The following LHFPL6 variants were observed in gnomAD, a reference collection of about 807,000 sequenced individuals.
LHFPL6 encodes LHFPL tetraspan subfamily member 6.
A neutral mutation model predicts 20.6 loss-of-function variants in LHFPL6; 9 were observed. The observed-to-expected ratio is 0.44, with a 90% confidence interval of 0.26 to 0.76. The LOEUF (loss-of-function observed/expected upper bound fraction) is 0.76. Among genes scored for constraint, LHFPL6 ranks in the 30% least tolerant of loss-of-function variants. LHFPL6 has a pLI of 0.20. For synonymous variants in LHFPL6, 105 were observed against 98.7 expected (o/e 1.06, Z -0.38); for missense variants, 218 against 253.5 (o/e 0.86, Z 0.95).
chr13:39,508,813 A>G (rs1869583756), intron 2 of LHFPL6, among the ~76,000 whole-genome samples: 1 of 152,104 alleles, frequency 6.6e-6, no homozygotes, highest in Non-Finnish European at 1.5e-5. Context: ...CTCATACACA[A>G]CTCTTTATAT....
chr13:39,597,967 T>G (rs892502471), intron 2 of LHFPL6, among the ~76,000 whole-genome samples: 4 of 152,274 alleles, frequency 2.6e-5, no homozygotes, highest in Non-Finnish European at 5.9e-5. Context: ...AGGATGCCTC[T>G]GTATTTTGCC....
At chr13:39,557,917 T>C (rs778445755) in intron 2 of LHFPL6, among the ~76,000 whole-genome samples, 113 of 152,274 alleles carry the variant, frequency 7.4e-4, no homozygotes, top group Admixed American at 1.2e-3. Context: ...GCTCCCCCTT[T>C]GCTCTCTCAT....
intron 2 of LHFPL6, among the ~76,000 whole-genome samples, chr13:39,524,277 C>T (rs1259535982): frequency 6.6e-6 from 1 of 150,796 alleles, no homozygotes; most frequent in African/African-American, 2.4e-5. Flanking sequence ...ATGGTTTAAT[C>T]AGCAGGGTTT....
chr13:39,564,377 C>T (rs1372490912), intron 2 of LHFPL6, among the ~76,000 whole-genome samples: 3 of 152,138 alleles, frequency 2.0e-5, no homozygotes, highest in Non-Finnish European at 2.9e-5. Context: ...TATGTATGTG[C>T]TCTCTATCTC....
chr13:39,510,768 T>G (rs746566821), intron 2 of LHFPL6, among the ~76,000 whole-genome samples: 1 of 151,924 alleles, frequency 6.6e-6, no homozygotes, highest in South Asian at 2.1e-4. Flanking sequence ...AAAAGTTATA[T>G]AAAACAAAAT....
chr13:39,459,744 C>T (rs2138427773), intron 2 of LHFPL6, among the ~76,000 whole-genome samples: 1 of 152,210 alleles, frequency 6.6e-6, no homozygotes, highest in Non-Finnish European at 1.5e-5. Flanking sequence ...CCTGAGGGTC[C>T]CGCAAAGTTG....
chr13:39,448,554 T>A (rs2138419402), intron 2 of LHFPL6, among the ~76,000 whole-genome samples: 1 of 152,352 alleles, frequency 6.6e-6, no homozygotes, highest in East Asian at 1.9e-4. Flanking sequence ...GTAAACAATG[T>A]ACAACTTAAC....
chr13:39,508,571 G>T (rs1869574557), intron 2 of LHFPL6, among the ~76,000 whole-genome samples: 2 of 152,084 alleles, frequency 1.3e-5, no homozygotes, highest in South Asian at 4.1e-4. Context: ...TTATATTAAT[G>T]GAATCATACA....
rs1406251334 is a variant in LHFPL6 at position 39,343,267 on chromosome 13, G to C, written c.*669C>G. The C allele has an allele frequency of 4.6e-6, 1 of 217,058 alleles. No individual in the cohort carries two copies. Among genetic ancestry groups the C allele is most frequent in the Non-Finnish European group, 9.3e-6 (1 of 107,692 alleles). 13.4% of individuals were successfully genotyped at this position (217,058 alleles called of 1,614,324 possible). ...ATGCAGGATATACAAAATACTGATAGTTTGGCTTATTGGTCCATTTATTAG... is the reference window on the plus strand; with the variant it reads ...ATGCAGGATATACAAAATACTGATACTTTGGCTTATTGGTCCATTTATTAG... On this transcript the variant is annotated 3_prime_UTR_variant, in exon 4 of 4. Coordinates refer to ENST00000379589, the MANE Select transcript of LHFPL6 (RefSeq NM_005780.3).
chr13:39,399,975 C>T (rs1870944842), intron 2 of LHFPL6, among the ~76,000 whole-genome samples: 1 of 152,160 alleles, frequency 6.6e-6, no homozygotes, highest in Middle Eastern at 3.2e-3. Flanking sequence ...TGCCTGTTAT[C>T]CCAGCTACTC....
At chr13:39,473,393 C>T (rs1052964206) in intron 2 of LHFPL6, among the ~76,000 whole-genome samples, 3 of 150,482 alleles carry the variant, frequency 2.0e-5, no homozygotes, top group African/African-American at 7.4e-5. Context: ...GTCCAATATG[C>T]CATGCTGAGA....
At chr13:39,479,217 G>A (rs373388936) in intron 2 of LHFPL6, among the ~76,000 whole-genome samples, 1 of 151,908 alleles carries the variant, frequency 6.6e-6, no homozygotes, top group East Asian at 1.9e-4. Context: ...GTTTTGAGAG[G>A]ATCCCACCTA....
At chr13:39,514,201 A>G (rs941606572) in intron 2 of LHFPL6, among the ~76,000 whole-genome samples, 1 of 152,120 alleles carries the variant, frequency 6.6e-6, no homozygotes, top group Non-Finnish European at 1.5e-5. Context: ...AAAGTCTCTT[A>G]GAGCTTCAGA....
chr13:39,508,099 C>A (rs1869554509), intron 2 of LHFPL6, among the ~76,000 whole-genome samples: 1 of 151,846 alleles, frequency 6.6e-6, no homozygotes, highest in Non-Finnish European at 1.5e-5. Context: ...CGGCTCACTG[C>A]AATCAATTTC....
chr13:39,359,550 T>C lies in LHFPL6; in HGVS notation c.485-15496A>G, dbSNP rs576723062. On this transcript the variant is annotated intron_variant, in intron 3 of 3. Transcript: ENST00000379589. ...CAGAAACAGAAAAGCAAATACCACATGTTCTCATTTATAAATGGGGGCAAA... is the reference window on the plus strand; with the variant it reads ...CAGAAACAGAAAAGCAAATACCACACGTTCTCATTTATAAATGGGGGCAAA... Among the ~76,000 whole-genome samples the C allele has an allele frequency of 1.6e-4, 24 of 152,266 alleles. No individual in the cohort carries two copies. In the South Asian group the frequency reaches 5.0e-3, roughly 32 times the overall value.
At chr13:39,345,211 C>T (rs1273759388) in intron 3 of LHFPL6, among the ~76,000 whole-genome samples, 1 of 152,054 alleles carries the variant, frequency 6.6e-6, no homozygotes, top group Non-Finnish European at 1.5e-5. Context: ...AACATAAAGG[C>T]CATAGATTGA....
chr13:39,511,825 C>G (rs1869716252), intron 2 of LHFPL6, among the ~76,000 whole-genome samples: 1 of 152,152 alleles, frequency 6.6e-6, no homozygotes, highest in African/African-American at 2.4e-5. Flanking sequence ...CTTTGTGGAG[C>G]AAAAACAAGT....
intron 2 of LHFPL6, among the ~76,000 whole-genome samples, chr13:39,446,740 C>T (rs766762484): frequency 2.6e-5 from 4 of 152,078 alleles, no homozygotes; most frequent in East Asian, 1.9e-4. Flanking sequence ...ATTTAGGTCC[C>T]GTCCAATAGC....
chr13:39,481,751 A>T (rs760003438), intron 2 of LHFPL6, among the ~76,000 whole-genome samples: 1 of 152,222 alleles, frequency 6.6e-6, no homozygotes, highest in Non-Finnish European at 1.5e-5. Context: ...ATGCAAGGCC[A>T]GGGTAATGAG....
Sources: gnomAD v4.1 joint callset for allele counts (sites outside exome capture counted in the v4.1 genomes callset) on GRCh38, gnomAD v4.1.1 for gene constraint, MANE v1.5 for transcripts, NCBI Gene and HGNC (gene_info 2026-07-23, HGNC 2026-07-21) for gene names.